The following TBL1XR1 variants were observed in gnomAD, a reference collection of about 807,000 sequenced individuals.
The protein encoded by TBL1XR1 is TBL1X/Y related 1.
A neutral mutation model predicts 66.9 loss-of-function variants in TBL1XR1; 5 were observed. The ratio of observed to expected loss-of-function variants is 0.07; its 90% CI spans 0.04 to 0.16. The LOEUF (loss-of-function observed/expected upper bound fraction) is 0.16. TBL1XR1 is among the 10% of genes least tolerant of loss of function. The probability of loss-of-function intolerance (pLI) is 1.00; values close to 1 mark genes in which losing one functional copy is unlikely to be tolerated. For synonymous variants in TBL1XR1, 210 were observed against 206.0 expected (o/e 1.02, Z -0.17); for missense variants, 238 against 623.2 (o/e 0.38, Z 6.58).
chr3:177,188,916 T>C (rs556935612), intron 1 of TBL1XR1, among the ~76,000 whole-genome samples: 20 of 152,238 alleles, frequency 1.3e-4, no homozygotes, highest in African/African-American at 4.8e-4. Flanking sequence ...ACATAAATAT[T>C]AAAAATTTTG....
At chr3:177,087,839 A>G (rs1395444545) in intron 2 of TBL1XR1, among the ~76,000 whole-genome samples, 1 of 152,194 alleles carries the variant, frequency 6.6e-6, no homozygotes, top group Admixed American at 6.5e-5. Context: ...TTATGGCTAT[A>G]TGGGACCATG....
At chr3:177,047,165 G>T in intron 9 of TBL1XR1, 135 bp downstream of exon 9, 1 of 688,016 alleles carries the variant, frequency 1.5e-6, no homozygotes, top group Non-Finnish European at 2.4e-6. Context: ...ATAGACCTAA[G>T]GAGTATTTCT....
intron 3 of TBL1XR1, among the ~76,000 whole-genome samples, chr3:177,059,620 G>A (rs1022231800): frequency 9.2e-5 from 14 of 152,024 alleles, no homozygotes; most frequent in African/African-American, 3.4e-4. Context: ...TGGAGGGAGG[G>A]AGGGTGCAAG....
intron 1 of TBL1XR1, among the ~76,000 whole-genome samples, chr3:177,143,133 T>A (rs1729821453): frequency 6.6e-6 from 1 of 151,792 alleles, no homozygotes; most frequent in Non-Finnish European, 1.5e-5. Flanking sequence ...TTTGTTCATA[T>A]GAGTTTTAGT....
intron 1 of TBL1XR1, among the ~76,000 whole-genome samples, chr3:177,112,074 AATATATATATATAT>A (rs1170375681): frequency 5.1e-4 from 21 of 40,952 alleles, no homozygotes; most frequent in Admixed American, 1.9e-3. Context: ...TATAAAATCA[AATATATATATATAT>A]ATATATATAT....
At chr3:177,159,806 G>A (rs1366318366) in intron 1 of TBL1XR1, among the ~76,000 whole-genome samples, 1 of 151,786 alleles carries the variant, frequency 6.6e-6, no homozygotes, top group Non-Finnish European at 1.5e-5. Flanking sequence ...TCCAAGTGAA[G>A]CGATGCTGGC....
intron 2 of TBL1XR1, among the ~76,000 whole-genome samples, chr3:177,074,500 C>T (rs1274469284): frequency 6.6e-6 from 1 of 152,182 alleles, no homozygotes; most frequent in East Asian, 1.9e-4. Flanking sequence ...CAACCTTTTT[C>T]TTACCAACCA....
intron 2 of TBL1XR1, among the ~76,000 whole-genome samples, chr3:177,096,335 T>TATACACACACACACAC (rs1723479426): frequency 1.3e-5 from 2 of 150,204 alleles, no homozygotes; most frequent in African/African-American, 4.9e-5. Flanking sequence ...CATACATACA[T>TATACACACACACACAC]ACACACACAC....
rs774761056 is a variant in TBL1XR1 at position 177,051,601 on chromosome 3, A to C, written c.330T>G (p.Ala110=). ...RDKLAQQQAA[A]AAAAAAAASQ... ...TGGCTGCAGCTGCGGCAGCTGCAGC[A>C]GCTGCTGCCTGTTGCTGTGCAAGCT... Residue 110 remains alanine, a synonymous_variant, in exon 5 of 16, where the codon GCT becomes GCG. Transcript: ENST00000457928. The C allele has an allele frequency of 6.2e-7, 1 of 1,613,478 alleles. No homozygotes were observed. Among genetic ancestry groups the C allele is most frequent in the Non-Finnish European group, 8.5e-7 (1 of 1,179,608 alleles).
intron 10 of TBL1XR1, among the ~76,000 whole-genome samples, chr3:177,044,451 C>CA (rs1716040422): frequency 6.6e-6 from 1 of 151,704 alleles, no homozygotes; most frequent in Admixed American, 6.6e-5. Flanking sequence ...GAAGACAGAC[C>CA]AAAAAAGAGT....
chr3:177,188,350 C>A (rs556050327), intron 1 of TBL1XR1, among the ~76,000 whole-genome samples: 1 of 152,252 alleles, frequency 6.6e-6, no homozygotes, highest in East Asian at 1.9e-4. Flanking sequence ...GAGGTTCAAA[C>A]CAGCCTGGCC....
chr3:177,050,654 T>G (rs1716940122), intron 5 of TBL1XR1, 44 bp from the exon 6 acceptor site: 2 of 1,608,868 alleles, frequency 1.2e-6, no homozygotes, highest in Admixed American at 1.7e-5. Flanking sequence ...TAGGCAGTAT[T>G]ACAACATGGT....
chr3:177,152,933 G>C (rs1731067366), intron 1 of TBL1XR1, among the ~76,000 whole-genome samples: 1 of 152,082 alleles, frequency 6.6e-6, no homozygotes, highest in Non-Finnish European at 1.5e-5. Flanking sequence ...TTGAGGTCAG[G>C]AGTTGGAGAA....
intron 2 of TBL1XR1, among the ~76,000 whole-genome samples, chr3:177,070,653 A>G (rs1378323756): frequency 6.6e-6 from 1 of 152,260 alleles, no homozygotes; most frequent in Admixed American, 6.5e-5. Flanking sequence ...GTTCAGGGCC[A>G]GCCTGGCCAA....
At chr3:177,088,449 T>C (rs566860611) in intron 2 of TBL1XR1, among the ~76,000 whole-genome samples, 19 of 152,364 alleles carry the variant, frequency 1.2e-4, no homozygotes, top group African/African-American at 3.6e-4. Context: ...TATCTCATTA[T>C]AGATATGCAA....
intron 1 of TBL1XR1, chr3:177,195,665 C>T (rs916427423): frequency 6.6e-6 from 1 of 150,994 alleles, no homozygotes; most frequent in Non-Finnish European, 1.5e-5. Context: ...GTGAAGAAGC[C>T]TTTAGGAAAA....
chr3:177,091,210 A>C (rs1560164835), intron 2 of TBL1XR1: 1 of 152,130 alleles, frequency 6.6e-6, no homozygotes. Flanking sequence ...AGAAAAATGA[A>C]AACAACAGTC....
At chr3:177,175,115 T>C (rs983002438) in intron 1 of TBL1XR1, among the ~76,000 whole-genome samples, 2 of 152,242 alleles carry the variant, frequency 1.3e-5, no homozygotes, top group East Asian at 1.9e-4. Context: ...TGGTTCTCAA[T>C]TAGCACTTAA....
intron 1 of TBL1XR1, among the ~76,000 whole-genome samples, chr3:177,115,265 A>C (rs2108739643): frequency 6.6e-6 from 1 of 152,194 alleles, no homozygotes; most frequent in South Asian, 2.1e-4. Context: ...TGTAACTGTT[A>C]AAAAAACTGA....
Sources: allele counts gnomAD v4.1 joint callset (sites outside exome capture counted in the v4.1 genomes callset), GRCh38; gene constraint gnomAD v4.1.1; transcripts MANE v1.5; gene names NCBI Gene and HGNC (gene_info 2026-07-23, HGNC 2026-07-21).